Variants in DIP2C observed in about 807,000 individuals in gnomAD.
DIP2C encodes the protein DIP2 acetate--CoA ligase C (putative).
A neutral mutation model predicts 192.4 loss-of-function variants in DIP2C; 33 were observed. The observed-to-expected ratio is 0.17, with a 90% CI of 0.13 to 0.23. The LOEUF (loss-of-function observed/expected upper bound fraction) is 0.23, where lower values mean the gene tolerates loss of function less well. DIP2C is among the 10% of genes least tolerant of loss of function. The pLI is 1.00. For missense variants in DIP2C, 1,537 were observed against 2,110.1 expected (o/e 0.73, Z 5.32); for synonymous variants, 979 against 864.1 (o/e 1.13, Z -2.33).
chr10:669,903 T>C (rs150255568), intron 1 of DIP2C, among the ~76,000 whole-genome samples: 434 of 152,384 alleles, frequency 2.8e-3, no homozygotes, highest in African/African-American at 0.01. Context: ...ATCTTTGTTT[T>C]GGAATTTATT....
intron 1 of DIP2C, among the ~76,000 whole-genome samples, chr10:587,212 C>T (rs376774956): frequency 1.3e-5 from 2 of 152,048 alleles, no homozygotes; most frequent in African/African-American, 4.8e-5. Context: ...GGCCAGACTA[C>T]CCGGGTCCCT....
intron 1 of DIP2C, among the ~76,000 whole-genome samples, chr10:490,229 A>T (rs1844334578): frequency 6.6e-6 from 1 of 152,144 alleles, no homozygotes; most frequent in Admixed American, 6.5e-5. Context: ...TCCATTTCAC[A>T]TTGGTTCAGG....
At chr10:512,922 GAAAAA>G (rs60269783) in intron 1 of DIP2C, among the ~76,000 whole-genome samples, 51 of 92,186 alleles carry the variant, frequency 5.5e-4, no homozygotes, top group African/African-American at 1.4e-3. Context: ...CCCACTTCAG[GAAAAA>G]AAAAAAAAAA....
rs1371309620 is a variant in DIP2C at position 467,378 on chromosome 10, T to TGGTGG, written c.268+5056_268+5060dup. 1.8e-3 allele frequency among the ~76,000 whole-genome samples: 68 copies of TGGTGG among 37,258 alleles called. 2 individuals carry two copies. The highest frequency in any genetic ancestry group is 7.0e-4 in the Non-Finnish European group (14 of 19,910). The allele number at this position is 37,258 out of a possible 152,430, so 24.4% of individuals were successfully genotyped here. A position where few individuals can be genotyped will look rare whatever the true frequency, so the allele number is the denominator to read the frequency against. On this transcript the variant is annotated intron_variant, in intron 3 of 36. Transcript: ENST00000280886. ...GGGGAATATCACACTCTGGGGACTGTGGTGGGGTGGGGGGAGGTGGGAGGG... is the reference window on the plus strand; with the variant it reads ...GGGGAATATCACACTCTGGGGACTGTGGTGGGGTGGGGTGGGGGGAGGTGGGAGGG...
chr10:607,097 C>G (rs976378603), intron 1 of DIP2C, among the ~76,000 whole-genome samples: 1 of 151,884 alleles, frequency 6.6e-6, no homozygotes, highest in Admixed American at 6.7e-5. Context: ...TGCACGGCAC[C>G]CTGCTCACCT....
chr10:416,104 C>T lies in DIP2C; in HGVS notation c.740-216G>A, dbSNP rs567974606. 2.6e-5 allele frequency among the ~76,000 whole-genome samples: 4 copies of T among 152,064 alleles called. No homozygotes were observed. The South Asian group carries it at 6.2e-4, about 24-fold the overall frequency. ...ATACATCGGACCCGAATGTCTACCA[C>T]GTTCCAGGATGTGCTGTTCTGCTGG... On this transcript the variant is annotated intron_variant, in intron 6 of 36. Coordinates refer to ENST00000280886, the MANE Select transcript of DIP2C (RefSeq NM_014974.3).
intron 1 of DIP2C, among the ~76,000 whole-genome samples, chr10:543,076 C>A (rs369442399): frequency 2.0e-5 from 3 of 151,992 alleles, no homozygotes; most frequent in Non-Finnish European, 4.4e-5. Flanking sequence ...GACACCGATA[C>A]CAACACATGC....
At chr10:642,700 C>T (rs372303762) in intron 1 of DIP2C, among the ~76,000 whole-genome samples, 1 of 152,254 alleles carries the variant, frequency 6.6e-6, no homozygotes, top group Non-Finnish European at 1.5e-5. Context: ...GTGCCCTCAC[C>T]GGCACCGGGG....
chr10:677,008 T>C (rs1002849249), intron 1 of DIP2C, among the ~76,000 whole-genome samples: 1 of 152,220 alleles, frequency 6.6e-6, no homozygotes, highest in Non-Finnish European at 1.5e-5. Context: ...GACTTGCTAA[T>C]TACACATGAC....
chr10:335,742 C>T (rs1401304868), intron 29 of DIP2C, among the ~76,000 whole-genome samples: 1 of 152,222 alleles, frequency 6.6e-6, no homozygotes, highest in Non-Finnish European at 1.5e-5. Context: ...CCTGGACCAG[C>T]TGGTTCAGGC....
chr10:610,625 A>C lies in DIP2C; in HGVS notation c.85+78869T>G, dbSNP rs542695802. 1.0e-3 allele frequency among the ~76,000 whole-genome samples: 157 copies of C among 152,390 alleles called. 1 individual carries two copies. Among genetic ancestry groups the C allele is most frequent in the Non-Finnish European group, 1.6e-3 (110 of 68,036 alleles). ...ACAGAATCGTTTGCGAAGCAAGTGCAGGTAAGAACGGGGAGCCAGACATGG... is the reference window on the plus strand; with the variant it reads ...ACAGAATCGTTTGCGAAGCAAGTGCCGGTAAGAACGGGGAGCCAGACATGG... On this transcript the variant is annotated intron_variant, in intron 1 of 36. Transcript: ENST00000280886.
intron 1 of DIP2C, chr10:667,691 CACAT>C (rs1001725338): frequency 6.6e-6 from 1 of 151,904 alleles, no homozygotes; most frequent in Non-Finnish European, 1.5e-5. Context: ...AACACATACA[CACAT>C]ACAGCACACG....
intron 1 of DIP2C, among the ~76,000 whole-genome samples, chr10:606,647 G>A (rs1189972440): frequency 6.6e-6 from 1 of 152,222 alleles, no homozygotes; most frequent in African/African-American, 2.4e-5. Flanking sequence ...TGGCCCCACT[G>A]CTGTAATTAC....
chr10:462,002 C>A (rs546659973), intron 3 of DIP2C, among the ~76,000 whole-genome samples: 1 of 152,080 alleles, frequency 6.6e-6, no homozygotes, highest in African/African-American at 2.4e-5. Flanking sequence ...AGACAATGTA[C>A]CAGAATCTCT....
chr10:541,281 G>A (rs1200471874), intron 1 of DIP2C, among the ~76,000 whole-genome samples: 8 of 152,106 alleles, frequency 5.3e-5, no homozygotes, highest in Admixed American at 2.6e-4. Context: ...ACACCCTGCC[G>A]AGGACAGTGC....
chr10:395,070 G>A (rs1963866648), intron 10 of DIP2C, among the ~76,000 whole-genome samples: 1 of 140,616 alleles, frequency 7.1e-6, no homozygotes. Context: ...GCATTTAGCA[G>A]TGAATAGAAT....
At chr10:583,273 C>T (rs1411042509) in intron 1 of DIP2C, among the ~76,000 whole-genome samples, 2 of 152,198 alleles carry the variant, frequency 1.3e-5, no homozygotes, top group African/African-American at 4.8e-5. Flanking sequence ...CACTAAAGCG[C>T]AAAGGAGAAC....
chr10:298,313 G>A (rs931322316), intron 32 of DIP2C, among the ~76,000 whole-genome samples: 2 of 152,168 alleles, frequency 1.3e-5, no homozygotes, highest in African/African-American at 4.8e-5. Flanking sequence ...TTGTTCATGG[G>A]TAGACACGGA....
intron 24 of DIP2C, among the ~76,000 whole-genome samples, chr10:355,221 GTC>G (rs1959022696): frequency 6.6e-6 from 1 of 152,204 alleles, no homozygotes; most frequent in African/African-American, 2.4e-5. Context: ...CTGGGAAACA[GTC>G]TTGAGCAGAT....
Sources: allele counts gnomAD v4.1 joint callset (sites outside exome capture counted in the v4.1 genomes callset), GRCh38; gene constraint gnomAD v4.1.1; transcripts MANE v1.5; gene names NCBI Gene and HGNC (gene_info 2026-07-23, HGNC 2026-07-21).